The following HSPG2 variants were observed in gnomAD, a reference collection of about 807,000 sequenced individuals.
HSPG2 encodes heparan sulfate proteoglycan 2.
In HSPG2, 278 loss-of-function variants were observed where a neutral mutation model predicts 526.6. That is an observed-to-expected ratio of 0.53 (90% confidence interval 0.48 to 0.58). The LOEUF (loss-of-function observed/expected upper bound fraction) is 0.58. Ranked by LOEUF, HSPG2 falls within the 20% of genes least tolerant of loss-of-function variation. The pLI, the probability that HSPG2 is intolerant of heterozygous loss-of-function variation, is 0.00. For missense variants in HSPG2, 5,354 were observed against 6,099.5 expected (o/e 0.88, Z 4.07); for synonymous variants, 2,465 against 2,555.4 (o/e 0.96, Z 1.07).
rs1030712515 is a variant in HSPG2, at chr1:21,909,946, C to G, written c.64-13636G>C. 7.2e-5 allele frequency among the ~76,000 whole-genome samples: 11 copies of G among 152,240 alleles called. No homozygotes were observed. In the South Asian group the frequency reaches 8.3e-4, roughly 11 times the overall value. On this transcript the variant is annotated intron_variant, in intron 1 of 96. Coordinates refer to ENST00000374695, the MANE Select transcript of HSPG2 (RefSeq NM_005529.7). ...GAGTCCCCCACCCACCAGGCTCCCCCCTCAGCTGCACGTTGCTCACGCAGA... is the reference window on the plus strand; with the variant it reads ...GAGTCCCCCACCCACCAGGCTCCCCGCTCAGCTGCACGTTGCTCACGCAGA...
In HSPG2 at chr1:21,839,676, G is replaced by A. The variant is rs369488493; in HGVS notation, c.9710-126C>T. On this transcript the variant is annotated intron_variant, in intron 72 of 96. Coordinates refer to ENST00000374695, the MANE Select transcript of HSPG2 (RefSeq NM_005529.7). The surrounding 1 kb of genome is among the most constrained non-coding windows in gnomAD (Gnocchi z 4.5). Reference sequence around the variant, plus strand: ...TATGGGGACCCCAGTTGGGTTCCTCGGCCATCACTGGGGGATGCTAGCAAC... The same window carrying A: ...TATGGGGACCCCAGTTGGGTTCCTCAGCCATCACTGGGGGATGCTAGCAAC... 1.5e-5 allele frequency: 21 copies of A among 1,385,060 alleles called. No individual in the cohort carries two copies. The highest frequency in any genetic ancestry group is 1.9e-5 in the Non-Finnish European group (19 of 1,000,302). 85.8% of individuals were successfully genotyped at this position (1,385,060 alleles called of 1,614,324 possible).
chr1:21,902,460 C>T (rs1047456968), intron 1 of HSPG2, among the ~76,000 whole-genome samples: 1 of 152,248 alleles, frequency 6.6e-6, no homozygotes, highest in East Asian at 1.9e-4. Context: ...CACAACCTCA[C>T]GAGGGAGACA....
intron 1 of HSPG2, among the ~76,000 whole-genome samples, chr1:21,929,261 C>T (rs35970964): frequency 0.19 from 29,273 of 152,108 alleles, 3,692 homozygotes; most frequent in East Asian, 0.43. Flanking sequence ...AGATCCCCTC[C>T]GCCTACACCA....
Position 21,829,456 on chromosome 1 carries a change from G to C in HSPG2, c.11919C>G (p.Ser3973Arg), listed in dbSNP as rs772504241. Residue 3973 changes from serine (S) to arginine (R), a missense_variant, in exon 87 of 97, where the codon AGC becomes AGG. Physicochemically the swap from Ser to Arg is moderately radical, Grantham distance 110. Coordinates refer to ENST00000374695, the MANE Select transcript of HSPG2 (RefSeq NM_005529.7). ...DGVLLFSGGK[S>R]GPVEDFVSLA... ...GGGACACGAAGTCCTCCACAGGCCC[G>C]CTCTTCCCCCCGCTGAACAGCAGGA... The C allele has an allele frequency of 8.1e-6, 13 of 1,613,214 alleles. 1 individual carries two copies. The highest frequency in any genetic ancestry group is 9.3e-6 in the Non-Finnish European group (11 of 1,179,848).
rs116452354 is a variant in HSPG2 at position 21,928,065 on chromosome 1, A to G, written c.63+9090T>C. ...GGTGCATCCACCTGGTTACTTCATA[A>G]CCACCAGGAAGCAGGCCTCCCCATT... is the stretch of plus-strand genomic sequence containing the variant. On this transcript the variant is annotated intron_variant, in intron 1 of 96. Transcript: ENST00000374695. Among the ~76,000 whole-genome samples the G allele has an allele frequency of 9.6e-3, 1,459 of 152,310 alleles. 11 individuals carry two copies. The highest frequency in any genetic ancestry group is 0.05 in the South Asian group (242 of 4,822).
chr1:21,832,786 G>A lies in HSPG2; in HGVS notation c.11096-180C>T, dbSNP rs553522041. On this transcript the variant is annotated intron_variant, in intron 80 of 96. Transcript: ENST00000374695. Reference sequence around the variant, plus strand: ...TCAGGGCTGGTGCCCCAAACGCAAGGGCCTTACTGAGCGCCCCTAGAAAGA... The same window carrying A: ...TCAGGGCTGGTGCCCCAAACGCAAGAGCCTTACTGAGCGCCCCTAGAAAGA... 77 of 609,202 alleles carry A rather than the reference G, an allele frequency of 1.3e-4. No individual in the cohort carries two copies. The South Asian group carries it at 1.5e-3, about 12-fold the overall frequency. 37.7% of individuals were successfully genotyped at this position (609,202 alleles called of 1,614,324 possible). A position where few individuals can be genotyped will look rare whatever the true frequency, so the allele number is the denominator to read the frequency against.
rs1441031045 is a variant in HSPG2, at chr1:21,855,430, T to C, written c.5871A>G (p.Arg1957=). The C allele has an allele frequency of 6.2e-7, 1 of 1,613,232 alleles. No individual in the cohort carries two copies. Among genetic ancestry groups the C allele is most frequent in the Non-Finnish European group, 8.5e-7 (1 of 1,179,896 alleles). ...VLHVHGGGGP[R]VQVSPERTQV... ...GGGTCCTCTCTGGGCTCACTTGGAC[T>C]CTGGGCCCACCGCCCCCTGCAGACA... Residue 1957 remains arginine (R), a synonymous_variant, in exon 47 of 97, where the codon AGA becomes AGG. Transcript: ENST00000374695.
chr1:21,838,704 G>T, intron 74 of HSPG2, 121 bp downstream of exon 74: 1 of 1,050,300 alleles, frequency 9.5e-7, no homozygotes. Context: ...GAGTAGGGGA[G>T]ATGAGGGCAT....
At chr1:21,912,060 G>A (rs983513668) in intron 1 of HSPG2, among the ~76,000 whole-genome samples, 6 of 152,168 alleles carry the variant, frequency 3.9e-5, no homozygotes, top group East Asian at 1.9e-4. Flanking sequence ...AGTTTTTTGC[G>A]ATGACTACTA....
chr1:21,831,792 C>T lies in HSPG2; in HGVS notation c.11212G>A (p.Asp3738Asn), dbSNP rs755020229. ...ATGGTGGCCATGCCTGAGCCTGCAT[C>T]GAACCTGCTCCGTGGGGCAGGCCGG... Reference protein sequence around the residue: ...LVGGRPEFRFDAGSGMATIRH... With the variant: ...LVGGRPEFRFNAGSGMATIRH... Residue 3738 changes from aspartate (D) to asparagine (N), a missense_variant, in exon 82 of 97, where the codon GAT (aspartate) becomes AAT (asparagine). Transcript: ENST00000374695. 24 of 1,598,054 alleles carry T rather than the reference C, an allele frequency of 1.5e-5. No individual in the cohort carries two copies. Among genetic ancestry groups the T allele is most frequent in the South Asian group, 4.5e-5 (4 of 89,112 alleles).
At chr1:21,834,553 C>T in intron 77 of HSPG2, 126 bp downstream of exon 77, 1 of 1,193,506 alleles carries the variant, frequency 8.4e-7, no homozygotes, top group Non-Finnish European at 1.2e-6. Context: ...GCCCCTTAAA[C>T]ACACACAATG....
chr1:21,880,755 C>T lies in HSPG2; in HGVS notation c.1899G>A (p.Pro633=), dbSNP rs111821935. 2.0e-5 allele frequency: 32 copies of T among 1,599,846 alleles called. No homozygotes were observed. In the South Asian group the frequency reaches 2.5e-4, roughly 12 times the overall value. Residue 633 remains proline, a synonymous_variant, in exon 15 of 97, where the codon CCG becomes CCA. Coordinates refer to ENST00000374695, the MANE Select transcript of HSPG2 (RefSeq NM_005529.7). The stretch of plus-strand genomic sequence containing the variant: ...ACCCGGCACCCATGAGGACCACGTC[C>T]GGCCGCTGCACTGGCTCCAGCATGC... ...ARGMLEPVQR[P]DVVLMGAGYR... is the part of the protein sequence containing the mutation.
At chr1:21,844,635 T>G (rs1638280687) in intron 64 of HSPG2, among the ~76,000 whole-genome samples, 2 of 152,248 alleles carry the variant, frequency 1.3e-5, no homozygotes, top group African/African-American at 4.8e-5. Context: ...ACCCAGACTC[T>G]GGGGCCAGAC....
chr1:21,873,343 C>G, intron 30 of HSPG2, 32 bp downstream of exon 30: 1 of 1,613,742 alleles, frequency 6.2e-7, no homozygotes, highest in Non-Finnish European at 8.5e-7. Flanking sequence ...TCTGGGTAAC[C>G]CGACCCCAAT....
In HSPG2 at chr1:21,872,738, C is replaced by CA; in HGVS notation, c.3910dup (p.Cys1304LeufsTer90). On this transcript the variant is annotated frameshift_variant, in exon 32 of 97. Transcript: ENST00000374695. LOFTEE classifies it high-confidence loss of function. This position sits in a 1 kb window ranked among gnomAD's most constrained non-coding sequence, Gnocchi z 5.5. ...GAAGTGGTGGGGCCGGCAGTGGCTGCAAGTGAGGCCTTCCACCTGGGCCTG... is the reference window on the plus strand; with the variant it reads ...GAAGTGGTGGGGCCGGCAGTGGCTGCAAAGTGAGGCCTTCCACCTGGGCCTG... The CA allele has an allele frequency of 6.2e-7, 1 of 1,609,516 alleles. No homozygotes were observed. The highest frequency in any genetic ancestry group is 8.5e-7 in the Non-Finnish European group (1 of 1,178,686).
chr1:21,894,050 C>T (rs1013652811), intron 3 of HSPG2, among the ~76,000 whole-genome samples: 10 of 151,846 alleles, frequency 6.6e-5, no homozygotes, highest in Admixed American at 3.9e-4. Flanking sequence ...GGGACACACA[C>T]AGACATGCCG....
At chr1:21,863,833 C>T (rs973547861) in intron 37 of HSPG2, among the ~76,000 whole-genome samples, 1 of 152,038 alleles carries the variant, frequency 6.6e-6, no homozygotes, top group African/African-American at 2.4e-5. Flanking sequence ...AAGTGAGACC[C>T]CATCTGTATT....
Position 21,828,308 on chromosome 1 carries a change from C to G in HSPG2, c.12356G>C (p.Cys4119Ser). 6.2e-7 allele frequency: 1 copy of G among 1,613,820 alleles called. No homozygotes were observed. Among genetic ancestry groups the G allele is most frequent in the South Asian group, 1.1e-5 (1 of 91,082 alleles). The change falls in exon 89 of 97, where the codon TGC (cysteine) becomes TCC (serine). Residue 4119 changes from cysteine (C) to serine (S), a missense_variant. Physicochemically the swap from Cys to Ser is moderately radical, Grantham distance 112 (BLOSUM62 -1). Coordinates refer to ENST00000374695, the MANE Select transcript of HSPG2 (RefSeq NM_005529.7). The surrounding 1 kb of genome is among the most constrained non-coding windows in gnomAD (Gnocchi z 6.0). ...ERQPCQHGAT[C>S]MPAGEYEFQC... ...GAACTCATACTCGCCAGCGGGCATG[C>G]ACGTGGCACCATGTTGGCAAGGCTG...
chr1:21,856,290 A>G (rs972335729), intron 44 of HSPG2, among the ~76,000 whole-genome samples: 1 of 151,630 alleles, frequency 6.6e-6, no homozygotes, highest in Non-Finnish European at 1.5e-5. Context: ...TGCCAAGAAC[A>G]CTCTGCCAAC....
Sources: allele counts gnomAD v4.1 joint callset (sites outside exome capture counted in the v4.1 genomes callset), GRCh38; gene constraint gnomAD v4.1.1; non-coding constraint Gnocchi (gnomAD v3.1); transcripts MANE v1.5; gene names NCBI Gene and HGNC (gene_info 2026-07-23, HGNC 2026-07-21).